Variants in PLA2G4C observed in about 807,000 individuals in gnomAD.
PLA2G4C encodes cytosolic phospholipase A2 gamma.
Under a neutral mutation model 73.8 loss-of-function variants are expected in PLA2G4C, and 64 were observed. The observed-to-expected ratio is 0.87, with a 90% CI of 0.71 to 1.07. The LOEUF (loss-of-function observed/expected upper bound fraction) is 1.07. PLA2G4C is among the 50% of genes least tolerant of loss of function. The pLI is 0.00. For missense variants in PLA2G4C, 622 were observed against 665.4 expected (o/e 0.93, Z 0.72); for synonymous variants, 254 against 252.1 (o/e 1.01, Z -0.07).
chr19:48,058,560 A>G (rs546340595), intron 14 of PLA2G4C, among the ~76,000 whole-genome samples: 3 of 151,784 alleles, frequency 2.0e-5, no homozygotes, highest in Admixed American at 6.6e-5. Context: ...GCTCATGCCT[A>G]TAATCCCAGC....
At chr19:48,082,496 C>CTTTTTTTTTTTTTTT (rs66641645) in intron 10 of PLA2G4C, among the ~76,000 whole-genome samples, 5 of 106,276 alleles carry the variant, frequency 4.7e-5, no homozygotes, top group Non-Finnish European at 7.1e-5. Context: ...TTCTTTCTTT[C>CTTTTTTTTTTTTTTT]TTTTTTTTTT....
chr19:48,069,267 G>A (rs1042029700), intron 12 of PLA2G4C, among the ~76,000 whole-genome samples: 3 of 152,166 alleles, frequency 2.0e-5, no homozygotes, highest in African/African-American at 7.2e-5. Flanking sequence ...AAAAGATGGC[G>A]ATTTAATGAC....
intron 7 of PLA2G4C, among the ~76,000 whole-genome samples, chr19:48,092,913 A>G (rs2122641664): frequency 6.6e-6 from 1 of 152,316 alleles, no homozygotes; most frequent in South Asian, 2.1e-4. Context: ...AAAATGGCAA[A>G]TTTTATGTTA....
chr19:48,091,306 C>T (rs760307657), intron 7 of PLA2G4C, among the ~76,000 whole-genome samples: 1 of 152,108 alleles, frequency 6.6e-6, no homozygotes, highest in Admixed American at 6.5e-5. Flanking sequence ...CTGCTTCAGC[C>T]TCCCGACTAG....
At chr19:48,092,063 AAAAAATTTTTTTTTTTTT>A (rs2031336504) in intron 7 of PLA2G4C, among the ~76,000 whole-genome samples, 2 of 125,694 alleles carry the variant, frequency 1.6e-5, no homozygotes, top group African/African-American at 6.4e-5. Context: ...TTCCTCAAAA[AAAAAATTTTTTTTTTTTT>A]TGAGATAGCC....
At chr19:48,052,907 G>T (rs1967778765) in intron 16 of PLA2G4C, 90 bp downstream of exon 16, 24 of 1,396,778 alleles carry the variant, frequency 1.7e-5, no homozygotes, top group Non-Finnish European at 2.2e-5. Context: ...TTTCACCCAT[G>T]CAACCCTCCT....
At chr19:48,082,872 G>T (rs181709373) in intron 10 of PLA2G4C, among the ~76,000 whole-genome samples, 48 of 143,798 alleles carry the variant, frequency 3.3e-4, no homozygotes, top group African/African-American at 1.1e-3. Flanking sequence ...GGAGTGCAGT[G>T]GCTCGATCTT....
chr19:48,105,943 C>T (rs1277227332), intron 2 of PLA2G4C, among the ~76,000 whole-genome samples: 1,709 of 10,416 alleles, frequency 0.16, 426 homozygotes, highest in East Asian at 0.39. Flanking sequence ...CCCTCCCTCC[C>T]TCCCTTCTTT....
At chr19:48,101,345 C>T (rs997457485) in intron 4 of PLA2G4C, among the ~76,000 whole-genome samples, 6 of 151,020 alleles carry the variant, frequency 4.0e-5, no homozygotes, top group Non-Finnish European at 8.8e-5. Flanking sequence ...ATGTTGCCCA[C>T]GCTGGTCTCA....
intron 8 of PLA2G4C, among the ~76,000 whole-genome samples, chr19:48,089,812 AC>A (rs2031191921): frequency 6.6e-6 from 1 of 152,030 alleles, no homozygotes; most frequent in South Asian, 2.1e-4. Context: ...GAGATCCACC[AC>A]CCAGTTCTCC....
chr19:48,053,137 C>G lies in PLA2G4C; in HGVS notation c.1440G>C (p.Glu480Asp). ...FNIDACGGDI[E>D]AWSDTYDTFK... ...ATGTGTCGTATGTGTCACTCCATGC[C>G]TCAATATCACCTGAAGCATAACCAA... The change falls in exon 16 of 17, where the codon GAG (glutamate) becomes GAC (aspartate). Residue 480 changes from glutamate (E) to aspartate (D), a missense_variant. Glu to Asp is a conservative substitution (Grantham distance 45). Coordinates refer to ENST00000599921, the MANE Select transcript of PLA2G4C (RefSeq NM_003706.3). 6.3e-7 allele frequency: 1 copy of G among 1,592,714 alleles called. No homozygotes were observed. The highest frequency in any genetic ancestry group is 8.6e-7 in the Non-Finnish European group (1 of 1,163,934).
At chr19:48,097,373 C>T (rs2031648403) in intron 6 of PLA2G4C, among the ~76,000 whole-genome samples, 1 of 149,262 alleles carries the variant, frequency 6.7e-6, no homozygotes, top group African/African-American at 2.5e-5. Context: ...CTGCCTCAGC[C>T]TCCCGAGCAG....
At chr19:48,076,933 C>T (rs1314361583) in intron 11 of PLA2G4C, among the ~76,000 whole-genome samples, 1 of 152,166 alleles carries the variant, frequency 6.6e-6, no homozygotes, top group Non-Finnish European at 1.5e-5. Flanking sequence ...AGCATAGCCT[C>T]TCCTGAACAA....
intron 1 of PLA2G4C, among the ~76,000 whole-genome samples, chr19:48,110,184 A>T (rs891124029): frequency 6.6e-6 from 1 of 150,794 alleles, no homozygotes; most frequent in African/African-American, 2.4e-5. Flanking sequence ...CATCTCTACT[A>T]AAAATACAAA....
chr19:48,089,675 A>G lies in PLA2G4C; in HGVS notation c.763+689T>C, dbSNP rs74815355. On this transcript the variant is annotated intron_variant, in intron 8 of 16. Coordinates refer to ENST00000599921, the MANE Select transcript of PLA2G4C (RefSeq NM_003706.3). ...GACTACGTACTATTGTCTCCATTTT[A>G]GGAAGGGGAAATTGGGTCACAGAGA... Among the ~76,000 whole-genome samples, 988 of 152,308 alleles carry G rather than the reference A, an allele frequency of 6.5e-3. 6 individuals carry two copies. Among genetic ancestry groups the G allele is most frequent in the Middle Eastern group, 0.014 (4 of 294 alleles).
At chr19:48,065,843 C>G (rs1193105297) in intron 13 of PLA2G4C, among the ~76,000 whole-genome samples, 1 of 152,002 alleles carries the variant, frequency 6.6e-6, no homozygotes, top group Non-Finnish European at 1.5e-5. Context: ...CGCCTGTAAT[C>G]CCAACACTTT....
Position 48,067,743 on chromosome 19 carries a change from A to G in PLA2G4C, c.1102+48T>C, listed in dbSNP as rs780292975. 25 of 1,254,880 alleles carry G rather than the reference A, an allele frequency of 2.0e-5. No homozygotes were observed. The Middle Eastern group carries it at 5.8e-4, about 29-fold the overall frequency. The allele number at this position is 1,254,880 out of a possible 1,614,324, so 77.7% of individuals were successfully genotyped here. ...CCACCCCCTTCCCCTACTCCAGCCC[A>G]TTCACACGCAAGGACAGACCAGGGC... is the stretch of plus-strand genomic sequence containing the variant. On this transcript the variant is annotated intron_variant, in intron 13 of 16. Transcript: ENST00000599921.
At chr19:48,079,742 T>A (rs774158282) in intron 10 of PLA2G4C, among the ~76,000 whole-genome samples, 107 of 152,172 alleles carry the variant, frequency 7.0e-4, no homozygotes, top group Non-Finnish European at 1.4e-3. Flanking sequence ...GAGGCCCAGC[T>A]GGGCGGATCT....
At chr19:48,049,238 T>A (rs1348920192) in intron 16 of PLA2G4C, among the ~76,000 whole-genome samples, 1 of 152,136 alleles carries the variant, frequency 6.6e-6, no homozygotes, top group African/African-American at 2.4e-5. Context: ...CAGATCAAGG[T>A]CTTTCCCACT....
Sources: gnomAD v4.1 joint callset for allele counts (sites outside exome capture counted in the v4.1 genomes callset) on GRCh38, gnomAD v4.1.1 for gene constraint, MANE v1.5 for transcripts, NCBI Gene and HGNC (gene_info 2026-07-23, HGNC 2026-07-21) for gene names.